Variants in RNF144A observed in about 807,000 individuals in gnomAD.
RNF144A encodes the protein E3 ubiquitin-protein ligase RNF144A.
In RNF144A, 11 loss-of-function variants were observed where a neutral mutation model predicts 38.7. The observed-to-expected ratio is 0.28, with a 90% CI of 0.18 to 0.47. RNF144A has a LOEUF of 0.47. Among genes scored for constraint, RNF144A ranks in the 20% least tolerant of loss-of-function variants. RNF144A has a pLI of 0.99. For missense variants in RNF144A, 316 were observed against 377.2 expected (o/e 0.84, Z 1.34); for synonymous variants, 149 against 143.9 (o/e 1.04, Z -0.25).
intron 2 of RNF144A, among the ~76,000 whole-genome samples, chr2:6,979,535 T>C (rs551849923): frequency 7.2e-6 from 1 of 139,702 alleles, no homozygotes. Flanking sequence ...AATCATTAGC[T>C]TTTTTTTTTT....
At chr2:7,062,424 C>A (rs1673993595) in intron 6 of RNF144A, among the ~76,000 whole-genome samples, 1 of 148,860 alleles carries the variant, frequency 6.7e-6, no homozygotes, top group Admixed American at 6.7e-5. Flanking sequence ...TGCAAAGACC[C>A]ATTGCAAAGG....
At chr2:7,025,516 A>T (rs946521859) in intron 7 of RNF144A, among the ~76,000 whole-genome samples, 1 of 152,118 alleles carries the variant, frequency 6.6e-6, no homozygotes, top group Non-Finnish European at 1.5e-5. Context: ...TCTACTAAAA[A>T]TACAAATTAT....
chr2:7,030,610 C>T (rs1425451672), intron 8 of RNF144A, among the ~76,000 whole-genome samples: 1 of 151,978 alleles, frequency 6.6e-6, no homozygotes, highest in Non-Finnish European at 1.5e-5. Flanking sequence ...AAGGTAGTAA[C>T]AGGAATGGAT....
intron 1 of RNF144A, among the ~76,000 whole-genome samples, chr2:6,922,606 G>A (rs1349431673): frequency 6.6e-6 from 1 of 151,468 alleles, no homozygotes. Flanking sequence ...GAGGGGACCC[G>A]CCCGGTTTTT....
chr2:6,945,924 G>A (rs1290854183), intron 2 of RNF144A, among the ~76,000 whole-genome samples: 2 of 152,138 alleles, frequency 1.3e-5, no homozygotes, highest in Non-Finnish European at 2.9e-5. Context: ...GGAGCCCCTT[G>A]GAGCCTGGAG....
intron 1 of RNF144A, among the ~76,000 whole-genome samples, chr2:6,922,947 C>G (rs1664636727): frequency 6.6e-6 from 1 of 152,164 alleles, no homozygotes; most frequent in Admixed American, 6.5e-5. Context: ...TAGTGTGTCT[C>G]AGACTCCAGG....
chr2:6,990,620 G>A (rs1006987398), intron 2 of RNF144A, among the ~76,000 whole-genome samples: 22 of 148,942 alleles, frequency 1.5e-4, no homozygotes, highest in African/African-American at 5.2e-4. Context: ...TAGACTTCTA[G>A]ATGTGCTAAA....
At chr2:6,980,716 G>C (rs1335672158) in intron 2 of RNF144A, among the ~76,000 whole-genome samples, 1 of 152,226 alleles carries the variant, frequency 6.6e-6, no homozygotes, top group East Asian at 1.9e-4. Context: ...GTGGTCTGCA[G>C]GACAGTGGCC....
chr2:6,947,907 G>T (rs527442194), intron 2 of RNF144A, among the ~76,000 whole-genome samples: 2 of 152,224 alleles, frequency 1.3e-5, no homozygotes, highest in Admixed American at 6.5e-5. Flanking sequence ...AGGATCAGAT[G>T]TATTGAAGGA....
At chr2:6,948,027 A>G (rs1172961839) in intron 2 of RNF144A, among the ~76,000 whole-genome samples, 1 of 152,248 alleles carries the variant, frequency 6.6e-6, no homozygotes, top group Non-Finnish European at 1.5e-5. Context: ...AGCCCAATCT[A>G]GGTCCCGAGG....
intron 6 of RNF144A, among the ~76,000 whole-genome samples, chr2:7,050,482 C>T (rs1474355685): frequency 6.6e-6 from 1 of 152,134 alleles, no homozygotes; most frequent in Non-Finnish European, 1.5e-5. Context: ...TGAGAACAGA[C>T]TAATGCAGGT....
chr2:6,926,462 C>T (rs1044717697), intron 1 of RNF144A, among the ~76,000 whole-genome samples: 1 of 152,228 alleles, frequency 6.6e-6, no homozygotes, highest in Non-Finnish European at 1.5e-5. Context: ...ATAAAACTGC[C>T]TTTCCCTCTC....
Position 7,041,477 on chromosome 2 carries a change from G to A in RNF144A, c.*1717G>A. The A allele has an allele frequency of 2.0e-6, 2 of 985,954 alleles. No individual in the cohort carries two copies. Among genetic ancestry groups the A allele is most frequent in the Middle Eastern group, 5.2e-4 (1 of 1,914 alleles). 61.1% of individuals were successfully genotyped at this position (985,954 alleles called of 1,614,324 possible). On this transcript the variant is annotated 3_prime_UTR_variant, in exon 9 of 9. Coordinates refer to ENST00000320892, the MANE Select transcript of RNF144A (RefSeq NM_014746.6). ...AGCTCTCCTTGTAATTGCAAGTTTA[G>A]TAACTCAGTAAGAACATGCCTGCGA...
chr2:6,983,690 G>A (rs1433744896), intron 2 of RNF144A, among the ~76,000 whole-genome samples: 4 of 152,090 alleles, frequency 2.6e-5, no homozygotes, highest in African/African-American at 7.2e-5. Context: ...CCTCCTGTGT[G>A]GGCCCCCACT....
intron 2 of RNF144A, among the ~76,000 whole-genome samples, chr2:6,988,022 G>A (rs979660899): frequency 1.3e-5 from 2 of 152,250 alleles, no homozygotes; most frequent in African/African-American, 4.8e-5. Flanking sequence ...AAAAATAAGT[G>A]AACTAATCTG....
intron 1 of RNF144A, among the ~76,000 whole-genome samples, chr2:6,926,811 T>C (rs1179030586): frequency 1.3e-5 from 2 of 152,250 alleles, no homozygotes; most frequent in Non-Finnish European, 2.9e-5. Flanking sequence ...ATTGTTGTTG[T>C]TGTTTATTTA....
intron 2 of RNF144A, among the ~76,000 whole-genome samples, chr2:6,960,114 T>G (rs1667246572): frequency 6.6e-6 from 1 of 152,246 alleles, no homozygotes; most frequent in Admixed American, 6.5e-5. Flanking sequence ...TTCATGGCAA[T>G]GGAGACCACT....
chr2:7,035,034 T>G (rs1162027838), intron 8 of RNF144A, among the ~76,000 whole-genome samples: 2 of 152,334 alleles, frequency 1.3e-5, no homozygotes, highest in South Asian at 2.1e-4. Context: ...CTGAGCCTCT[T>G]GGTCCTCCAC....
At chr2:7,045,686 A>G (rs1351957755), downstream of RNF144A, among the ~76,000 whole-genome samples, 1 of 152,152 alleles carries the variant, frequency 6.6e-6, no homozygotes, top group Non-Finnish European at 1.5e-5. Flanking sequence ...AGGCTTCAAC[A>G]CTTTTTGTGG....
Sources: allele counts gnomAD v4.1 joint callset (sites outside exome capture counted in the v4.1 genomes callset), GRCh38; gene constraint gnomAD v4.1.1; transcripts MANE v1.5; gene names NCBI Gene and HGNC (gene_info 2026-07-23, HGNC 2026-07-21).